The following MSR1 variants were observed in gnomAD, a reference collection of about 807,000 sequenced individuals.
MSR1 encodes macrophage scavenger receptor 1, also known as macrophage scavenger receptor types I and II.
A neutral mutation model predicts 47.2 loss-of-function variants in MSR1; 53 were observed. That is an observed-to-expected ratio of 1.12 (90% CI 0.90 to 1.41). MSR1 has a LOEUF of 1.41. MSR1 is among the 40% of genes most tolerant of loss of function. MSR1 has a pLI of 0.00. For missense variants in MSR1, 786 were observed against 546.9 expected, an observed-to-expected ratio of 1.44 and a Z score of -4.36; for synonymous variants, 239 against 185.6, an observed-to-expected ratio of 1.29 and a Z score of -2.34.
At chr8:16,189,361 T>TCA (rs1802102778) in intron 1 of MSR1, among the ~76,000 whole-genome samples, 1 of 118,428 alleles carries the variant, frequency 8.4e-6, no homozygotes, top group South Asian at 2.6e-4. Context: ...TTTATATATT[T>TCA]TTATATATAT....
chr8:16,172,744 T>G (rs992968219), intron 3 of MSR1, among the ~76,000 whole-genome samples: 1 of 152,108 alleles, frequency 6.6e-6, no homozygotes, highest in Non-Finnish European at 1.5e-5. Flanking sequence ...TGTTACACTC[T>G]GACAGTATTT....
At chr8:16,154,967 A>T (rs1319417867) in intron 6 of MSR1, 97 bp downstream of exon 6, 1 of 990,342 alleles carries the variant, frequency 1.0e-6, no homozygotes, top group Admixed American at 1.8e-5. Context: ...CATCCTCTGC[A>T]GGATATAAAT....
intron 8 of MSR1, among the ~76,000 whole-genome samples, chr8:16,131,721 C>A (rs908366804): frequency 2.3e-4 from 35 of 151,918 alleles, no homozygotes; most frequent in African/African-American, 7.7e-4. Flanking sequence ...TATCCCAGCA[C>A]CATTTATTGA....
At chr8:16,183,300 A>C (rs1255717953) in intron 1 of MSR1, among the ~76,000 whole-genome samples, 4 of 151,972 alleles carry the variant, frequency 2.6e-5, no homozygotes, top group African/African-American at 9.7e-5. Context: ...AAAAAAGCTG[A>C]AGACTTTTGA....
chr8:16,182,314 C>T (rs982763811), intron 1 of MSR1, among the ~76,000 whole-genome samples: 2 of 152,082 alleles, frequency 1.3e-5, no homozygotes, highest in Middle Eastern at 3.2e-3. Context: ...AGTGAGTGAG[C>T]GGTGAGTGAA....
At chr8:16,114,129 G>C (rs2117049360) in intron 9 of MSR1, among the ~76,000 whole-genome samples, 1 of 151,932 alleles carries the variant, frequency 6.6e-6, no homozygotes, top group African/African-American at 2.4e-5. Flanking sequence ...GTGACCCTTT[G>C]ATATATTTAT....
chr8:16,150,851 AACACACACACACACACAC>A lies in MSR1; in HGVS notation c.899-558_899-541del, dbSNP rs3036816. On this transcript the variant is annotated intron_variant, in intron 6 of 9. Transcript: ENST00000262101. ...CCCAGGGTAAATAAACATAAACATA[AACACACACACACACACAC>A]ACACACACACACACACATGCGATAC... Among the ~76,000 whole-genome samples the A allele has an allele frequency of 2.1e-5, 3 of 142,142 alleles. No individual in the cohort carries two copies. The East Asian group carries it at 7.0e-4, about 33-fold the overall frequency. 93.3% of individuals were successfully genotyped at this position (142,142 alleles called of 152,430 possible).
Position 16,120,575 on chromosome 8 carries a change from C to T in MSR1, c.1065G>A (p.Gly355=). The T allele has an allele frequency of 6.2e-7, 1 of 1,609,076 alleles. No homozygotes were observed. Among genetic ancestry groups the T allele is most frequent in the East Asian group, 2.2e-5 (1 of 44,674 alleles). ...TPFTKVRLVG[G]SGPHEGRVEI... ...CCACCCTCCCCTCGTGAGGGCCGCT[C>T]CCACCGACCAGTCGAACTTTCGTAA... is the stretch of plus-strand genomic sequence containing the variant. Residue 355 remains glycine, a synonymous_variant, in exon 9 of 10, where the codon GGG becomes GGA. Coordinates refer to ENST00000262101, the MANE Select transcript of MSR1 (RefSeq NM_138715.3).
At chr8:16,129,001 G>A (rs1405258691) in intron 8 of MSR1, among the ~76,000 whole-genome samples, 13 of 152,116 alleles carry the variant, frequency 8.5e-5, no homozygotes, top group African/African-American at 2.9e-4. Context: ...AAGTGAGAAT[G>A]CAACAGGGAA....
At chr8:16,171,737 C>T (rs1242280136) in intron 3 of MSR1, among the ~76,000 whole-genome samples, 1 of 152,082 alleles carries the variant, frequency 6.6e-6, no homozygotes, top group Non-Finnish European at 1.5e-5. Context: ...TAACGTTGTC[C>T]TTTTTTGATT....
At chr8:16,129,515 G>C (rs1800206387) in intron 8 of MSR1, among the ~76,000 whole-genome samples, 1 of 152,026 alleles carries the variant, frequency 6.6e-6, no homozygotes, top group Non-Finnish European at 1.5e-5. Flanking sequence ...GGAGGTCAAG[G>C]CAGGCAGATC....
chr8:16,177,716 T>A (rs567790807), intron 2 of MSR1, among the ~76,000 whole-genome samples, 170 bp downstream of exon 2: 41 of 152,266 alleles, frequency 2.7e-4, no homozygotes, highest in Non-Finnish European at 5.0e-4. Context: ...AATACTGCCT[T>A]ACTTTTATTT....
chr8:16,152,567 CTCTCGAGGGCA>C, intron 6 of MSR1, among the ~76,000 whole-genome samples: 1 of 152,148 alleles, frequency 6.6e-6, no homozygotes, highest in East Asian at 1.9e-4. Flanking sequence ...GCCTTCAGTT[CTCTCGAGGGCA>C]TCTCATGTAG....
intron 8 of MSR1, among the ~76,000 whole-genome samples, chr8:16,128,462 T>C (rs1800179493): frequency 6.6e-6 from 1 of 151,972 alleles, no homozygotes; most frequent in Admixed American, 6.6e-5. Context: ...AAGGGGGCCG[T>C]CTGCAAGCCA....
intron 9 of MSR1, among the ~76,000 whole-genome samples, chr8:16,114,720 C>G (rs80298557): frequency 0.025 from 3,843 of 152,162 alleles, 84 homozygotes; most frequent in Middle Eastern, 0.086. Context: ...AAACTTTATT[C>G]CTATAAGTCA....
chr8:16,112,256 G>C (rs540043551), intron 9 of MSR1, among the ~76,000 whole-genome samples: 1 of 152,172 alleles, frequency 6.6e-6, no homozygotes, highest in East Asian at 1.9e-4. Flanking sequence ...TAATATGCTA[G>C]GTCTTTTCAC....
chr8:16,186,183 C>T lies in MSR1; in HGVS notation c.-5+6415G>A, dbSNP rs1366478887. On this transcript the variant is annotated intron_variant, in intron 1 of 9. Transcript: ENST00000262101. ...CGGTTTTTTGTTGAGAAGAGAGATA[C>T]TGATGATTGCACTGAGATAGCACAT... is the stretch of plus-strand genomic sequence containing the variant. 4.6e-6 allele frequency: 7 copies of T among 1,535,274 alleles called. No homozygotes were observed. In the Admixed American group the frequency reaches 5.9e-5, roughly 13 times the overall value.
chr8:16,178,103 C>CTT (rs199889203), intron 1 of MSR1, 111 bp from the exon 2 acceptor site: 57,794 of 650,938 alleles, frequency 0.089, 1,869 homozygotes, highest in East Asian at 0.36. Flanking sequence ...TTCAGTTTTT[C>CTT]TTTTTTTTTT....
intron 1 of MSR1, among the ~76,000 whole-genome samples, chr8:16,191,940 A>G (rs1484444744): frequency 6.6e-6 from 1 of 152,172 alleles, no homozygotes; most frequent in Non-Finnish European, 1.5e-5. Context: ...TTTTCATAGT[A>G]ATTATCTATA....
Sources: gnomAD v4.1 joint callset for allele counts (sites outside exome capture counted in the v4.1 genomes callset) on GRCh38, gnomAD v4.1.1 for gene constraint, MANE v1.5 for transcripts, NCBI Gene and HGNC (gene_info 2026-07-23, HGNC 2026-07-21) for gene names.